The following CCDC126 variants were observed in gnomAD, a reference collection of about 807,000 sequenced individuals.
CCDC126 encodes the protein coiled-coil domain-containing protein 126.
CCDC126 carries 5 observed loss-of-function variants against 11.7 expected under a neutral mutation model. That is an observed-to-expected ratio of 0.43 (90% CI 0.22 to 0.90). CCDC126 has a LOEUF of 0.90. Among genes scored for constraint, CCDC126 ranks in the 40% least tolerant of loss-of-function variants. CCDC126 has a pLI of 0.27. For synonymous variants in CCDC126, 60 were observed against 61.9 expected, an observed-to-expected ratio of 0.97 and a Z score of 0.14; for missense variants, 150 against 163.1, an observed-to-expected ratio of 0.92 and a Z score of 0.44.
At chr7:23,620,492 G>A (rs1317043568) in intron 3 of CCDC126, among the ~76,000 whole-genome samples, 2 of 152,202 alleles carry the variant, frequency 1.3e-5, no homozygotes, top group East Asian at 1.9e-4. Flanking sequence ...TTTGTCAGAT[G>A]AGTAGATTGC....
intron 2 of CCDC126, among the ~76,000 whole-genome samples, chr7:23,600,077 G>A (rs949839512): frequency 1.3e-5 from 2 of 152,108 alleles, no homozygotes; most frequent in African/African-American, 4.8e-5. Flanking sequence ...GAGCCACCAC[G>A]CCAGGCCATA....
intron 3 of CCDC126, among the ~76,000 whole-genome samples, chr7:23,629,767 A>G (rs1328853363): frequency 6.6e-6 from 1 of 152,206 alleles, no homozygotes; most frequent in Non-Finnish European, 1.5e-5. Flanking sequence ...ATGTAATTAC[A>G]CAATCCAAAT....
At chr7:23,617,239 T>A (rs1782808334) in intron 3 of CCDC126, among the ~76,000 whole-genome samples, 1 of 149,734 alleles carries the variant, frequency 6.7e-6, no homozygotes, top group South Asian at 2.1e-4. Flanking sequence ...TCCTAGCTAC[T>A]CGGGAGGCTG....
chr7:23,610,179 G>GA (rs1782685550), intron 2 of CCDC126, among the ~76,000 whole-genome samples: 1 of 152,032 alleles, frequency 6.6e-6, no homozygotes, highest in Admixed American at 6.6e-5. Context: ...TGTAAATTTG[G>GA]AAATATAGAA....
chr7:23,599,431 C>G (rs1782493084), intron 2 of CCDC126, among the ~76,000 whole-genome samples: 1 of 151,824 alleles, frequency 6.6e-6, no homozygotes, highest in Admixed American at 6.6e-5. Context: ...ACGGCTGTGA[C>G]AGGTGAAGCT....
At chr7:23,618,786 C>G (rs1215385760) in intron 3 of CCDC126, among the ~76,000 whole-genome samples, 1 of 151,874 alleles carries the variant, frequency 6.6e-6, no homozygotes, top group African/African-American at 2.4e-5. Flanking sequence ...AACTCCTGAC[C>G]TCATGTGATC....
At chr7:23,620,805 A>G (rs920678040) in intron 3 of CCDC126, among the ~76,000 whole-genome samples, 1 of 152,212 alleles carries the variant, frequency 6.6e-6, no homozygotes, top group Non-Finnish European at 1.5e-5. Flanking sequence ...ATGGCTAGCC[A>G]GTTTTCCCAG....
At chr7:23,640,055 T>TGC (rs1783326332) in intron 3 of CCDC126, among the ~76,000 whole-genome samples, 1 of 151,676 alleles carries the variant, frequency 6.6e-6, no homozygotes, top group East Asian at 1.9e-4. Context: ...TGGTGGTGCA[T>TGC]GCTTGTAATC....
chr7:23,636,739 G>C (rs1217958080), intron 3 of CCDC126, among the ~76,000 whole-genome samples: 1 of 148,198 alleles, frequency 6.7e-6, no homozygotes, highest in East Asian at 2.0e-4. Context: ...GAGCGTCTCC[G>C]CCCGGCAGCC....
intron 3 of CCDC126, among the ~76,000 whole-genome samples, chr7:23,639,792 C>T (rs1005605170): frequency 4.6e-5 from 7 of 151,384 alleles, no homozygotes; most frequent in Non-Finnish European, 4.4e-5. Context: ...CCCTCTATCA[C>T]GACCACTACG....
chr7:23,630,422 C>T (rs1351626623), intron 3 of CCDC126, among the ~76,000 whole-genome samples: 33 of 152,012 alleles, frequency 2.2e-4, no homozygotes, highest in Admixed American at 6.6e-5. Flanking sequence ...TTGCTTGAAC[C>T]GGGAGACAGA....
At chr7:23,639,505 C>G (rs1783317177) in intron 3 of CCDC126, among the ~76,000 whole-genome samples, 1 of 152,062 alleles carries the variant, frequency 6.6e-6, no homozygotes, top group Non-Finnish European at 1.5e-5. Context: ...GCACCCAGTC[C>G]TCTTTATATA....
chr7:23,635,087 ATCT>A (rs1783186321), intron 3 of CCDC126, among the ~76,000 whole-genome samples: 2 of 152,294 alleles, frequency 1.3e-5, no homozygotes, highest in South Asian at 4.1e-4. Context: ...AAACTATTTG[ATCT>A]TCTCCCAGAA....
At chr7:23,613,144 C>T (rs568560180) in intron 3 of CCDC126, among the ~76,000 whole-genome samples, 1 of 152,214 alleles carries the variant, frequency 6.6e-6, no homozygotes, top group South Asian at 2.1e-4. Flanking sequence ...AACCATTTCT[C>T]TACAGAAAAT....
intron 3 of CCDC126, among the ~76,000 whole-genome samples, chr7:23,624,213 A>T (rs1584207769): frequency 6.6e-6 from 1 of 152,330 alleles, no homozygotes; most frequent in East Asian, 1.9e-4. Flanking sequence ...AGAGAAAAAC[A>T]GTTTACTGTT....
At chr7:23,634,643 A>G (rs999433481) in intron 3 of CCDC126, among the ~76,000 whole-genome samples, 1 of 152,170 alleles carries the variant, frequency 6.6e-6, no homozygotes, top group Non-Finnish European at 1.5e-5. Context: ...GGCATTTTCC[A>G]AGTTCCCAAA....
chr7:23,601,962 A>G (rs1265843313), intron 2 of CCDC126: 1 of 152,234 alleles, frequency 6.6e-6, no homozygotes, highest in Non-Finnish European at 1.5e-5. Flanking sequence ...CTGGGATTAC[A>G]AGTGTGAACC....
intron 3 of CCDC126, among the ~76,000 whole-genome samples, chr7:23,638,987 C>T (rs956477219): frequency 1.3e-5 from 2 of 151,064 alleles, no homozygotes; most frequent in Non-Finnish European, 1.5e-5. Context: ...AGTCTTACTG[C>T]TGAAGGGTTT....
chr7:23,609,319 G>C (rs1223713012), intron 2 of CCDC126, among the ~76,000 whole-genome samples: 2 of 151,998 alleles, frequency 1.3e-5, no homozygotes, highest in African/African-American at 4.8e-5. Flanking sequence ...TAGTAGCTGG[G>C]ATTACAAGCA....
Sources: gnomAD v4.1 joint callset for allele counts (sites outside exome capture counted in the v4.1 genomes callset) on GRCh38, gnomAD v4.1.1 for gene constraint, MANE v1.5 for transcripts, NCBI Gene and HGNC (gene_info 2026-07-23, HGNC 2026-07-21) for gene names.